Variants in RHOJ observed in about 807,000 individuals in gnomAD.
RHOJ encodes ras homolog family member J, also known as rho-related GTP-binding protein RhoJ.
In RHOJ, 11 loss-of-function variants were observed where a neutral mutation model predicts 23.4. The ratio of observed to expected loss-of-function variants is 0.47; its 90% CI spans 0.30 to 0.78. The LOEUF is 0.78. RHOJ is among the 30% of genes least tolerant of loss of function. The probability of loss-of-function intolerance (pLI) is 0.08; values close to 1 mark genes in which losing one functional copy is unlikely to be tolerated. For missense variants in RHOJ, 254 were observed against 273.4 expected, an observed-to-expected ratio of 0.93 and a Z score of 0.50; for synonymous variants, 102 against 102.7, an observed-to-expected ratio of 0.99 and a Z score of 0.04.
chr14:63,214,316 C>T (rs374273628), intron 1 of RHOJ, among the ~76,000 whole-genome samples: 31 of 152,284 alleles, frequency 2.0e-4, no homozygotes, highest in African/African-American at 5.8e-4. Context: ...AGAGTTCAAA[C>T]CCATTTAGAT....
At chr14:63,228,408 G>A (rs773087000) in intron 1 of RHOJ, among the ~76,000 whole-genome samples, 40 of 152,068 alleles carry the variant, frequency 2.6e-4, no homozygotes, top group Non-Finnish European at 4.3e-4. Flanking sequence ...TCTTGGCAGC[G>A]TTGTTTGTAA....
chr14:63,225,343 G>A (rs1171965323), intron 1 of RHOJ, among the ~76,000 whole-genome samples: 2 of 152,160 alleles, frequency 1.3e-5, no homozygotes, highest in Non-Finnish European at 2.9e-5. Context: ...AGCTTTCCAG[G>A]AGAGGGTTAT....
intron 1 of RHOJ, among the ~76,000 whole-genome samples, chr14:63,263,803 G>A (rs1204038912): frequency 1.3e-5 from 2 of 152,112 alleles, no homozygotes; most frequent in Non-Finnish European, 2.9e-5. Context: ...CCATCAGAAT[G>A]AAGCCTCAGT....
At chr14:63,239,180 C>T (rs1055731781) in intron 1 of RHOJ, among the ~76,000 whole-genome samples, 2 of 152,086 alleles carry the variant, frequency 1.3e-5, no homozygotes, top group East Asian at 1.9e-4. Context: ...GGCACAATCT[C>T]GACTCACCGC....
intron 4 of RHOJ, among the ~76,000 whole-genome samples, chr14:63,289,354 A>G (rs1009289658): frequency 6.6e-5 from 10 of 152,006 alleles, no homozygotes; most frequent in Non-Finnish European, 5.9e-5. Flanking sequence ...TCCTCTCCCT[A>G]TTGTCTTGCG....
chr14:63,245,063 AAC>A (rs964488151), intron 1 of RHOJ, among the ~76,000 whole-genome samples: 9 of 152,226 alleles, frequency 5.9e-5, no homozygotes, highest in African/African-American at 2.2e-4. Context: ...CACTGTCTTT[AAC>A]TGTAGAAGTT....
chr14:63,251,367 G>C (rs557464110), intron 1 of RHOJ, among the ~76,000 whole-genome samples: 1 of 152,268 alleles, frequency 6.6e-6, no homozygotes, highest in Admixed American at 6.5e-5. Flanking sequence ...GAAGTATATA[G>C]CCATAGTTAC....
intron 1 of RHOJ, among the ~76,000 whole-genome samples, chr14:63,219,690 C>A (rs556967413): frequency 4.7e-4 from 71 of 152,202 alleles, no homozygotes; most frequent in African/African-American, 1.7e-3. Context: ...CTGGCGCATG[C>A]CTGTGGTCCC....
intron 2 of RHOJ, among the ~76,000 whole-genome samples, chr14:63,276,151 C>A (rs997812765): frequency 2.6e-5 from 4 of 152,114 alleles, no homozygotes; most frequent in African/African-American, 9.7e-5. Context: ...ATCAGAATCA[C>A]CTGGAGGGCT....
chr14:63,206,434 G>A (rs1008346229), intron 1 of RHOJ, among the ~76,000 whole-genome samples: 4 of 152,236 alleles, frequency 2.6e-5, no homozygotes, highest in African/African-American at 4.8e-5. Flanking sequence ...GGGGGTCTGC[G>A]CCTTGAGAAA....
chr14:63,219,139 A>G (rs1419180413), intron 1 of RHOJ, among the ~76,000 whole-genome samples: 4 of 152,204 alleles, frequency 2.6e-5, no homozygotes, highest in African/African-American at 9.6e-5. Flanking sequence ...GAAGAGAATT[A>G]TATTTTATTG....
In RHOJ at chr14:63,290,747, C is replaced by T. The variant is rs572834863; in HGVS notation, c.499-131C>T. On this transcript the variant is annotated intron_variant, in intron 4 of 4. Transcript: ENST00000316754. Reference sequence around the variant, plus strand: ...ATGGAAAAAAAAAAAAAAAGACAAACATAATCCAAACCACCCCACAGGCTG... The same window carrying T: ...ATGGAAAAAAAAAAAAAAAGACAAATATAATCCAAACCACCCCACAGGCTG... 25 of 453,968 alleles carry T rather than the reference C, an allele frequency of 5.5e-5. No individual in the cohort carries two copies. The East Asian group carries it at 1.1e-3, about 20-fold the overall frequency. 28.1% of individuals were successfully genotyped at this position (453,968 alleles called of 1,614,324 possible). A position where few individuals can be genotyped will look rare whatever the true frequency, so the allele number is the denominator to read the frequency against.
Position 63,218,241 on chromosome 14 carries a change from A to G in RHOJ, c.178+13194A>G, listed in dbSNP as rs184912561. 7.2e-5 allele frequency among the ~76,000 whole-genome samples: 11 copies of G among 152,338 alleles called. No homozygotes were observed. The East Asian group carries it at 1.2e-3, about 16-fold the overall frequency. On this transcript the variant is annotated intron_variant, in intron 1 of 4. Transcript: ENST00000316754. ...ACATGGCACCTAATTAGAAATGCCT[A>G]TGAAGCTTATTGACATTCATATTCA...
intron 1 of RHOJ, among the ~76,000 whole-genome samples, chr14:63,212,534 C>T (rs1034433031): frequency 2.6e-5 from 4 of 152,168 alleles, no homozygotes; most frequent in Non-Finnish European, 5.9e-5. Flanking sequence ...CAATAAAAGA[C>T]AAATTATCTA....
At chr14:63,257,402 T>G (rs1015613938) in intron 1 of RHOJ, among the ~76,000 whole-genome samples, 3 of 149,842 alleles carry the variant, frequency 2.0e-5, no homozygotes, top group African/African-American at 7.4e-5. Flanking sequence ...CAGAATTCAT[T>G]TGGGTTTTCC....
intron 1 of RHOJ, among the ~76,000 whole-genome samples, chr14:63,216,775 A>G (rs1894365920): frequency 6.6e-6 from 1 of 152,220 alleles, no homozygotes; most frequent in Admixed American, 6.5e-5. Context: ...CAGTGTCAAT[A>G]TTAGGCATAA....
At chr14:63,280,565 G>A (rs1881866009) in intron 2 of RHOJ, among the ~76,000 whole-genome samples, 1 of 152,108 alleles carries the variant, frequency 6.6e-6, no homozygotes, top group South Asian at 2.1e-4. Flanking sequence ...TTAAAGGTAA[G>A]CTGTAAGGAG....
At chr14:63,227,096 C>T (rs1012004808) in intron 1 of RHOJ, among the ~76,000 whole-genome samples, 3 of 152,018 alleles carry the variant, frequency 2.0e-5, no homozygotes, top group African/African-American at 4.8e-5. Context: ...GGATTACAGG[C>T]GCCTGCCACC....
rs11463617 is a variant in RHOJ at position 63,257,236 on chromosome 14, C to CAA, written c.179-11853_179-11852dup. 3.4e-3 allele frequency among the ~76,000 whole-genome samples: 165 copies of CAA among 48,792 alleles called. 1 individual carries two copies. Among genetic ancestry groups the CAA allele is most frequent in the African/African-American group, 0.011 (134 of 11,928 alleles). 32.0% of individuals were successfully genotyped at this position (48,792 alleles called of 152,430 possible). ...CTGGGTGACACAGTGAGACTGTCTC[C>CAA]AAAAAAAAAAAAAAAAAAAAAAGAG... On this transcript the variant is annotated intron_variant, in intron 1 of 4. Transcript: ENST00000316754.
Sources: allele counts gnomAD v4.1 joint callset (sites outside exome capture counted in the v4.1 genomes callset), GRCh38; gene constraint gnomAD v4.1.1; transcripts MANE v1.5; gene names NCBI Gene and HGNC (gene_info 2026-07-23, HGNC 2026-07-21).